AGFG1: variants seen among roughly 807,000 people sequenced by gnomAD.
The protein encoded by AGFG1 is arf-GAP domain and FG repeat-containing protein 1.
AGFG1 carries 10 observed loss-of-function variants against 60.6 expected under a neutral mutation model. That is an observed-to-expected ratio of 0.16 (90% CI 0.10 to 0.28). AGFG1 has a LOEUF of 0.28. Among genes scored for constraint, AGFG1 ranks in the 10% least tolerant of loss-of-function variants. AGFG1 has a pLI of 1.00. For missense variants in AGFG1, 537 were observed against 676.5 expected (o/e 0.79, Z 2.29); for synonymous variants, 247 against 242.9 (o/e 1.02, Z -0.16).
Position 227,544,559 on chromosome 2 carries a change from G to A in AGFG1, c.1379-7400G>A, listed in dbSNP as rs181438463. ...ATGCAGTTTCTTCCTAGCATCGATG[G>A]TCTTTACAGTTTGGCATGTTTTTGC... On this transcript the variant is annotated intron_variant, in intron 10 of 12. Coordinates refer to ENST00000310078, the MANE Select transcript of AGFG1 (RefSeq NM_004504.5). Among the ~76,000 whole-genome samples the A allele has an allele frequency of 1.5e-3, 225 of 152,282 alleles. 3 individuals carry two copies. Among genetic ancestry groups the A allele is most frequent in the African/African-American group, 5.1e-3 (211 of 41,556 alleles).
chr2:227,508,692 T>TG, intron 2 of AGFG1: 1 of 447,196 alleles, frequency 2.2e-6, no homozygotes, highest in Non-Finnish European at 4.5e-6. Flanking sequence ...GTTGGGATTT[T>TG]TTTTTTTTTC....
chr2:227,508,699 T>TC (rs1272750981), intron 2 of AGFG1: 1 of 446,756 alleles, frequency 2.2e-6, no homozygotes, highest in Non-Finnish European at 4.5e-6. Flanking sequence ...TTTTTTTTTT[T>TC]TTCTTTTTAG....
intron 2 of AGFG1, among the ~76,000 whole-genome samples, chr2:227,497,269 A>G (rs1691002450): frequency 1.3e-5 from 2 of 151,914 alleles, no homozygotes; most frequent in African/African-American, 4.8e-5. Flanking sequence ...TGCAGATTGA[A>G]GATGTATAGA....
intron 2 of AGFG1, among the ~76,000 whole-genome samples, chr2:227,500,207 T>G: frequency 6.6e-6 from 1 of 152,192 alleles, no homozygotes; most frequent in East Asian, 1.9e-4. Context: ...CTGCAAGAAC[T>G]TCTTGTTGAT....
chr2:227,531,134 T>G lies in AGFG1; in HGVS notation c.738T>G (p.Phe246Leu), dbSNP rs1257846748. The G allele has an allele frequency of 1.2e-6, 2 of 1,613,682 alleles. No homozygotes were observed. The highest frequency in any genetic ancestry group is 1.7e-6 in the Non-Finnish European group (2 of 1,179,688). Residue 246 changes from phenylalanine to leucine, a missense_variant, in exon 6 of 13, where the codon TTT becomes TTG. By Grantham distance (22) the Phe-to-Leu change is conservative (BLOSUM62 0). Transcript: ENST00000310078. ...ANADFANFDA[F>L]GQSSGSSNFG... ...CAGATTTTGCAAACTTTGATGCATT[T>G]GGACAGTCTAGTGGTTCGAGTAATT...
chr2:227,518,869 GC>G (rs1447298790), intron 2 of AGFG1, among the ~76,000 whole-genome samples: 3 of 152,202 alleles, frequency 2.0e-5, no homozygotes, highest in East Asian at 3.9e-4. Context: ...CAGACCTTTT[GC>G]CCCCGCTTTA....
At chr2:227,510,794 C>G (rs530684152) in intron 2 of AGFG1, 26 of 152,276 alleles carry the variant, frequency 1.7e-4, no homozygotes, top group African/African-American at 6.3e-4. Flanking sequence ...GTGTGCTGCC[C>G]TTTACTAAGT....
chr2:227,542,106 A>G (rs1311510616), intron 10 of AGFG1, among the ~76,000 whole-genome samples: 1 of 152,204 alleles, frequency 6.6e-6, no homozygotes, highest in Non-Finnish European at 1.5e-5. Flanking sequence ...TCATCTGCAA[A>G]CAGGGACAAT....
In AGFG1 at chr2:227,517,934, C is replaced by T. The variant is rs564972971; in HGVS notation, c.262-2014C>T. The stretch of plus-strand genomic sequence containing the variant: ...GACATTTGTATGTATCATGAAACCA[C>T]TACCACAATAACAAGATAGCATATA... On this transcript the variant is annotated intron_variant, in intron 2 of 12. Transcript: ENST00000310078. Among the ~76,000 whole-genome samples the T allele has an allele frequency of 2.6e-5, 4 of 152,304 alleles. No individual in the cohort carries two copies. The East Asian group carries it at 7.7e-4, about 29-fold the overall frequency.
At chr2:227,479,477 C>G (rs1690391406) in intron 1 of AGFG1, among the ~76,000 whole-genome samples, 1 of 152,178 alleles carries the variant, frequency 6.6e-6, no homozygotes, top group Non-Finnish European at 1.5e-5. Context: ...CTCTGGATCT[C>G]AATTTGAAAA....
Position 227,483,997 on chromosome 2 carries a change from A to C in AGFG1, c.168-7550A>C, listed in dbSNP as rs561284376. Among the ~76,000 whole-genome samples the C allele has an allele frequency of 2.2e-3, 335 of 152,200 alleles. 2 individuals carry two copies. The highest frequency in any genetic ancestry group is 7.5e-3 in the African/African-American group (312 of 41,520). ...TTTGTTACATATATATACACATGCCATGTTGGTGTGCTGCACCCATTAACA... is the reference window on the plus strand; with the variant it reads ...TTTGTTACATATATATACACATGCCCTGTTGGTGTGCTGCACCCATTAACA... On this transcript the variant is annotated intron_variant, in intron 1 of 12. Transcript: ENST00000310078.
chr2:227,498,744 T>A (rs1352796629), intron 2 of AGFG1, among the ~76,000 whole-genome samples: 1 of 152,200 alleles, frequency 6.6e-6, no homozygotes, highest in East Asian at 1.9e-4. Flanking sequence ...ACCCAGAGAT[T>A]TATAGAAGAA....
intron 1 of AGFG1, among the ~76,000 whole-genome samples, chr2:227,481,313 A>G (rs190176176): frequency 6.6e-6 from 1 of 151,990 alleles, no homozygotes; most frequent in African/African-American, 2.4e-5. Context: ...AGTCTTCAGC[A>G]GTGTCTTGAG....
chr2:227,473,249 A>C (rs72976802), intron 1 of AGFG1, among the ~76,000 whole-genome samples: 290 of 152,170 alleles, frequency 1.9e-3, no homozygotes, highest in Middle Eastern at 6.8e-3. Flanking sequence ...GTTCGAAAGG[A>C]TTAATTGCGG....
intron 2 of AGFG1, among the ~76,000 whole-genome samples, chr2:227,507,922 A>G (rs996980552): frequency 2.0e-5 from 3 of 151,336 alleles, no homozygotes; most frequent in Non-Finnish European, 2.9e-5. Flanking sequence ...TCTTTGTTCA[A>G]TGAGGTAATC....
At chr2:227,505,261 T>C (rs552683387) in intron 2 of AGFG1, among the ~76,000 whole-genome samples, 1 of 152,352 alleles carries the variant, frequency 6.6e-6, no homozygotes, top group East Asian at 1.9e-4. Context: ...TATTTTTGTT[T>C]TCAGAATGTG....
intron 3 of AGFG1, among the ~76,000 whole-genome samples, chr2:227,522,516 C>T (rs948707208): frequency 6.6e-6 from 1 of 152,178 alleles, no homozygotes; most frequent in Non-Finnish European, 1.5e-5. Context: ...AGGAATTGTT[C>T]TCAGTGCTTT....
intron 3 of AGFG1, among the ~76,000 whole-genome samples, chr2:227,523,166 T>C (rs1390724290): frequency 6.6e-6 from 1 of 152,174 alleles, no homozygotes; most frequent in Non-Finnish European, 1.5e-5. Context: ...CAATAAAAAA[T>C]TGTAAAGTTC....
chr2:227,486,185 A>G (rs1017437902), intron 1 of AGFG1, among the ~76,000 whole-genome samples: 2 of 152,234 alleles, frequency 1.3e-5, no homozygotes, highest in African/African-American at 4.8e-5. Flanking sequence ...TTTCTGAACA[A>G]CATTGCTTCT....
Sources: gnomAD v4.1 joint callset for allele counts (sites outside exome capture counted in the v4.1 genomes callset) on GRCh38, gnomAD v4.1.1 for gene constraint, MANE v1.5 for transcripts, NCBI Gene and HGNC (gene_info 2026-07-23, HGNC 2026-07-21) for gene names.